The following RHPN1 variants were observed in gnomAD, a reference collection of about 807,000 sequenced individuals.
RHPN1 encodes the protein rhophilin-1.
In RHPN1, 77 loss-of-function variants were observed where a neutral mutation model predicts 74.7. That is an observed-to-expected ratio of 1.03 (90% confidence interval 0.86 to 1.25). RHPN1 has a LOEUF of 1.25. Ranked by LOEUF, RHPN1 falls within the 50% of genes most tolerant of loss-of-function variation. The probability of loss-of-function intolerance (pLI) is 0.00; values close to 1 mark genes in which losing one functional copy is unlikely to be tolerated. For synonymous variants in RHPN1, 444 were observed against 414.5 expected (o/e 1.07, Z -0.87); for missense variants, 987 against 932.2 (o/e 1.06, Z -0.77).
intron 1 of RHPN1, among the ~76,000 whole-genome samples, chr8:143,372,000 G>A (rs1021797615): frequency 7.9e-5 from 12 of 152,224 alleles, no homozygotes; most frequent in East Asian, 1.9e-4. Flanking sequence ...CCTGTAGGCC[G>A]GGAAGTCACT....
chr8:143,369,715 C>T (rs1817697644), intron 1 of RHPN1, among the ~76,000 whole-genome samples: 1 of 152,226 alleles, frequency 6.6e-6, no homozygotes, highest in Admixed American at 6.5e-5. Context: ...CGAGGCTGCC[C>T]CAGTCCTCCT....
chr8:143,378,868 G>T (rs1271597071), intron 6 of RHPN1, 44 bp from the exon 7 acceptor site: 4 of 1,573,038 alleles, frequency 2.5e-6, no homozygotes, highest in Non-Finnish European at 3.4e-6. Flanking sequence ...AGGCCCAGCT[G>T]CGGGAACCGT....
Position 143,380,708 on chromosome 8 carries a change from C to T in RHPN1, c.1336C>T (p.Arg446Cys), listed in dbSNP as rs760715263. Residue 446 changes from arginine (R) to cysteine (C), a missense_variant, in exon 11 of 15, where the codon CGC becomes TGC. Physicochemically the swap from Arg to Cys is radical, Grantham distance 180. Coordinates refer to ENST00000289013, the MANE Select transcript of RHPN1 (RefSeq NM_052924.3). The part of the protein sequence containing the change: ...LRAVISQTLQ[R>C]SLAKYAELDR... Reference sequence around the variant, plus strand: ...GGCTGTGATCTCCCAGACGCTGCAGCGCTCACTGGCCAAGTATGCGGAGCT... The same window carrying T: ...GGCTGTGATCTCCCAGACGCTGCAGTGCTCACTGGCCAAGTATGCGGAGCT... The T allele has an allele frequency of 2.3e-5, 37 of 1,591,120 alleles. No individual in the cohort carries two copies. Among genetic ancestry groups the T allele is most frequent in the Middle Eastern group, 3.3e-4 (2 of 6,050 alleles).
At chr8:143,382,415 C>G (rs1297118940) in intron 14 of RHPN1, 21 bp from the exon 15 acceptor site, 2 of 1,546,384 alleles carry the variant, frequency 1.3e-6, no homozygotes, top group East Asian at 4.9e-5. Flanking sequence ...TGACCACAGT[C>G]TGTCTCTGTC....
At chr8:143,373,838 G>A (rs565232597) in intron 1 of RHPN1, among the ~76,000 whole-genome samples, 76 of 152,162 alleles carry the variant, frequency 5.0e-4, no homozygotes, top group Non-Finnish European at 8.5e-4. Flanking sequence ...TTGTCACTGC[G>A]ATTAAGGACC....
At chr8:143,376,869 T>TGTGTGC (rs1280830606) in intron 3 of RHPN1, among the ~76,000 whole-genome samples, 770 of 8,380 alleles carry the variant, frequency 0.092, 3 homozygotes, top group East Asian at 0.19. Context: ...TCTGTGTGTA[T>TGTGTGC]ATGTGTGTGC....
Position 143,381,261 on chromosome 8 carries a change from C to G in RHPN1, c.1412-7C>G, listed in dbSNP as rs1423422117. 1 of 1,611,576 alleles carries G rather than the reference C, an allele frequency of 6.2e-7. No individual in the cohort carries two copies. The highest frequency in any genetic ancestry group is 2.2e-5 in the East Asian group (1 of 44,840). On this transcript the variant is annotated splice_polypyrimidine_tract_variant and splice_region_variant and intron_variant, in intron 11 of 14. Transcript: ENST00000289013. ...CCCAGCTTAGCTCTGCTCTTACACC[C>G]TCTCAGCTAAGACCCACCAGAAGCC... is the stretch of plus-strand genomic sequence containing the variant.
chr8:143,365,980 C>T (rs1020789700), upstream of RHPN1, among the ~76,000 whole-genome samples: 10 of 141,470 alleles, frequency 7.1e-5, no homozygotes, highest in Non-Finnish European at 1.1e-4. Flanking sequence ...CCAGCCTGGG[C>T]GACAGAGAGC....
Position 143,379,978 on chromosome 8 carries a change from C to T in RHPN1, c.1095C>T (p.Asp365=), listed in dbSNP as rs779562695. The change falls in exon 9 of 15, where the codon GAC becomes GAT. Residue 365 remains aspartate, a synonymous_variant. Transcript: ENST00000289013. ...ACCACGTAGCCATGGCCCTCTGCGA[C>T]GGCTCCCGTGAGTGCCCACCACACT... The part of the protein sequence containing the change: ...AHYHVAMALC[D]GSPATEGELP... 2.9e-5 allele frequency: 45 copies of T among 1,562,228 alleles called. No individual in the cohort carries two copies. The highest frequency in any genetic ancestry group is 9.6e-5 in the Admixed American group (5 of 52,098).
At position 143,379,476 on chromosome 8, in the gene RHPN1, G is replaced by A. The variant is rs1490788011; in HGVS notation, c.913G>A (p.Ala305Thr). Reference sequence around the variant, plus strand: ...CTCCATGGCCCCCCAAGACTGCCTGGCCCAGCTGCGCCTGGCGCAGGAGGC... The same window carrying A: ...CTCCATGGCCCCCCAAGACTGCCTGACCCAGCTGCGCCTGGCGCAGGAGGC... Reference protein sequence around the residue: ...PASMAPQDCLAQLRLAQEAAQ... With the variant: ...PASMAPQDCLTQLRLAQEAAQ... Residue 305 changes from alanine (A) to threonine (T), a missense_variant, in exon 8 of 15, where the codon GCC becomes ACC. Physicochemically the swap from Ala to Thr is moderately conservative, Grantham distance 58. Coordinates refer to ENST00000289013, the MANE Select transcript of RHPN1 (RefSeq NM_052924.3). 6.4e-7 allele frequency: 1 copy of A among 1,564,148 alleles called. No individual in the cohort carries two copies. Among genetic ancestry groups the A allele is most frequent in the Admixed American group, 1.9e-5 (1 of 53,330 alleles).
chr8:143,381,145 G>A, intron 11 of RHPN1, 123 bp from the exon 12 acceptor site: 4 of 794,368 alleles, frequency 5.0e-6, no homozygotes, highest in Non-Finnish European at 6.1e-6. Flanking sequence ...ATTGCAGAGT[G>A]GCCAGGCCTG....
Position 143,381,334 on chromosome 8 carries a change from TCCATCGGC to T in RHPN1, c.1479_1486del (p.His494GlyfsTer99). ...TCCCAGGGGAAGGGGCCTGACATCTTCCATCGGCTGGTGAGCACACCCGTCCCCAGGCA... is the reference window on the plus strand; with the variant it reads ...TCCCAGGGGAAGGGGCCTGACATCTTTGGTGAGCACACCCGTCCCCAGGCA... On this transcript the variant is annotated frameshift_variant and splice_region_variant, in exon 12 of 15. Transcript: ENST00000289013. LOFTEE classifies it high-confidence loss of function. 6.2e-7 allele frequency: 1 copy of T among 1,610,790 alleles called. No homozygotes were observed.
upstream of RHPN1, among the ~76,000 whole-genome samples, chr8:143,364,714 C>T (rs1274686799): frequency 2.0e-5 from 3 of 152,056 alleles, no homozygotes; most frequent in South Asian, 2.1e-4. This position sits in a 1 kb window ranked among gnomAD's most constrained non-coding sequence, Gnocchi z 4.5. Context: ...CCCGTCTCAC[C>T]GGGAAGCCAG....
upstream of RHPN1, among the ~76,000 whole-genome samples, chr8:143,364,635 ATG>A (rs1817539017): frequency 6.6e-6 from 1 of 151,318 alleles, no homozygotes; most frequent in Non-Finnish European, 1.5e-5. This position sits in a 1 kb window ranked among gnomAD's most constrained non-coding sequence, Gnocchi z 4.5. Context: ...AAGAATAAAT[ATG>A]TGTGTCTGTT....
chr8:143,381,626 C>T lies in RHPN1; in HGVS notation c.1543C>T (p.His515Tyr), dbSNP rs1210713080. 1 of 1,610,486 alleles carries T rather than the reference C, an allele frequency of 6.2e-7. No individual in the cohort carries two copies. Among genetic ancestry groups the T allele is most frequent in the Non-Finnish European group, 8.5e-7 (1 of 1,179,248 alleles). The change falls in exon 13 of 15, where the codon CAC becomes TAC. Residue 515 changes from histidine (H) to tyrosine (Y), a missense_variant. Transcript: ENST00000289013. ...CCGGTGGCGGCTGGTGGGGCCCGTC[C>T]ACCTGACCCGAGGAGAGGGCGGCTT... ...KNRWRLVGPV[H>Y]LTRGEGGFGL...
At chr8:143,375,957 G>A (rs1235811365) in intron 2 of RHPN1, among the ~76,000 whole-genome samples, 3 of 152,252 alleles carry the variant, frequency 2.0e-5, no homozygotes, top group Non-Finnish European at 1.5e-5. Flanking sequence ...GAAGAGGCAT[G>A]GTTGAGGCTG....
In RHPN1 at chr8:143,371,758, G is replaced by A. The variant is rs530301208; in HGVS notation, c.60+2711G>A. ...TCTCTGTCCTTTCCTAATGCAAGGCGGAAATGGCCACAGTGGGGTGTCAGG... is the reference window on the plus strand; with the variant it reads ...TCTCTGTCCTTTCCTAATGCAAGGCAGAAATGGCCACAGTGGGGTGTCAGG... On this transcript the variant is annotated intron_variant, in intron 1 of 14. Coordinates refer to ENST00000289013, the MANE Select transcript of RHPN1 (RefSeq NM_052924.3). 5.3e-5 allele frequency among the ~76,000 whole-genome samples: 8 copies of A among 152,296 alleles called. No homozygotes were observed. In the South Asian group the frequency reaches 6.2e-4, roughly 12 times the overall value.
intron 1 of RHPN1, among the ~76,000 whole-genome samples, chr8:143,370,791 CGCAGGGGCT>C (rs933698759): frequency 1.3e-5 from 2 of 152,380 alleles, no homozygotes. Flanking sequence ...CCGTCCCTCC[CGCAGGGGCT>C]GCAGGGGCTC....
At position 143,379,580 on chromosome 8, in the gene RHPN1, G is replaced by T. The variant is rs10106761; in HGVS notation, c.945+72G>T. 2.4e-4 allele frequency: 349 copies of T among 1,475,598 alleles called. 2 individuals carry two copies. In the African/African-American group the frequency reaches 4.6e-3, roughly 19 times the overall value. The allele number at this position is 1,475,598 out of a possible 1,614,324, so 91.4% of individuals were successfully genotyped here. A position where few individuals can be genotyped will look rare whatever the true frequency, so the allele number is the denominator to read the frequency against. ...GGGGTCAGAGCCCAGGTCCAGGCAT[G>T]CGTGAGCTCTCCCACCTCCTTCCTT... On this transcript the variant is annotated intron_variant, in intron 8 of 14. Transcript: ENST00000289013.
Sources: allele counts gnomAD v4.1 joint callset (sites outside exome capture counted in the v4.1 genomes callset), GRCh38; gene constraint gnomAD v4.1.1; non-coding constraint Gnocchi (gnomAD v3.1); transcripts MANE v1.5; gene names NCBI Gene and HGNC (gene_info 2026-07-23, HGNC 2026-07-21).